Variants in ZNF420 observed in about 807,000 individuals in gnomAD.
The protein encoded by ZNF420 is zinc finger protein 420.
In ZNF420, 31 loss-of-function variants were observed where a neutral mutation model predicts 44.7. The ratio of observed to expected loss-of-function variants is 0.69; its 90% CI spans 0.52 to 0.94. The LOEUF is 0.94. Among genes scored for constraint, ZNF420 ranks in the 40% least tolerant of loss-of-function variants. The probability of loss-of-function intolerance (pLI) is 0.00; values close to 1 mark genes in which losing one functional copy is unlikely to be tolerated. For missense variants in ZNF420, 681 were observed against 827.9 expected (o/e 0.82, Z 2.18); for synonymous variants, 245 against 267.4 (o/e 0.92, Z 0.82).
At chr19:37,097,746 A>G (rs997448597) in intron 4 of ZNF420, among the ~76,000 whole-genome samples, 1 of 152,202 alleles carries the variant, frequency 6.6e-6, no homozygotes, top group Non-Finnish European at 1.5e-5. Flanking sequence ...TTTGTGGGAT[A>G]AAGTTTATAT....
At chr19:37,026,398 G>T (rs1166131456) in intron 1 of ZNF420, among the ~76,000 whole-genome samples, 1 of 150,134 alleles carries the variant, frequency 6.7e-6, no homozygotes, top group East Asian at 2.0e-4. Flanking sequence ...TGGGCTCACT[G>T]CACCTCCGCC....
In ZNF420 at chr19:37,130,167, G is replaced by A. The variant is rs1971587378; in HGVS notation, c.*1109G>A. 6.5e-7 allele frequency: 1 copy of A among 1,550,326 alleles called. No homozygotes were observed. Among genetic ancestry groups the A allele is most frequent in the Non-Finnish European group, 8.7e-7 (1 of 1,146,904 alleles). On this transcript the variant is annotated 3_prime_UTR_variant, in exon 5 of 5. Coordinates refer to ENST00000337995, the MANE Select transcript of ZNF420 (RefSeq NM_144689.5). ...AGCTGGAGCTCCGTTACTCTCATGG[G>A]GACTTTGAGAATGGTATCTGGGTGT...
At chr19:37,042,400 A>T (rs531218505) in intron 1 of ZNF420, among the ~76,000 whole-genome samples, 5 of 152,254 alleles carry the variant, frequency 3.3e-5, no homozygotes, top group African/African-American at 4.8e-5. Context: ...TTCATCACAA[A>T]TGAGAACTTG....
At chr19:37,104,726 C>G (rs1408078718) in intron 4 of ZNF420, among the ~76,000 whole-genome samples, 1 of 152,186 alleles carries the variant, frequency 6.6e-6, no homozygotes, top group Non-Finnish European at 1.5e-5. Flanking sequence ...TTGCATTTCT[C>G]TGATGGCCAG....
At chr19:37,073,654 C>T (rs1307747870), upstream of ZNF420, among the ~76,000 whole-genome samples, 2 of 150,864 alleles carry the variant, frequency 1.3e-5, no homozygotes, top group South Asian at 2.1e-4. Context: ...GACAGGAGAA[C>T]TGCCTGACCC....
chr19:37,012,304 C>A (rs1474113619), intron 1 of ZNF420, among the ~76,000 whole-genome samples: 1 of 152,232 alleles, frequency 6.6e-6, no homozygotes, highest in Non-Finnish European at 1.5e-5. Context: ...CTTCCAGGAG[C>A]GGAGCGCGAG....
intron 4 of ZNF420, among the ~76,000 whole-genome samples, chr19:37,099,839 G>A (rs184842673): frequency 1.9e-4 from 29 of 152,218 alleles, no homozygotes; most frequent in Middle Eastern, 3.4e-3. Context: ...TAGCCAGGAT[G>A]GTCTCAGTCT....
At chr19:37,115,519 A>C (rs76823888) in intron 4 of ZNF420, among the ~76,000 whole-genome samples, 1,992 of 152,070 alleles carry the variant, frequency 0.013, 47 homozygotes, top group African/African-American at 0.045. Flanking sequence ...GCCTTGATGT[A>C]CATGTATACA....
At chr19:37,073,171 C>T (rs955082700) in intron 1 of ZNF420, among the ~76,000 whole-genome samples, 3 of 152,096 alleles carry the variant, frequency 2.0e-5, no homozygotes, top group African/African-American at 7.2e-5. Flanking sequence ...TACACCACTG[C>T]ACTCCAGCCT....
At chr19:37,029,425 A>G (rs1967211810) in intron 1 of ZNF420, among the ~76,000 whole-genome samples, 1 of 152,254 alleles carries the variant, frequency 6.6e-6, no homozygotes, top group African/African-American at 2.4e-5. Context: ...TTCAATAGGT[A>G]TAAAAATGTT....
intron 1 of ZNF420, among the ~76,000 whole-genome samples, chr19:37,037,020 T>C (rs1162259840): frequency 6.6e-6 from 1 of 152,172 alleles, no homozygotes; most frequent in East Asian, 1.9e-4. Context: ...CCTTTCATCG[T>C]AGGTAGCCCT....
At chr19:37,061,215 C>T (rs950904228) in intron 1 of ZNF420, among the ~76,000 whole-genome samples, 3 of 152,220 alleles carry the variant, frequency 2.0e-5, no homozygotes, top group Admixed American at 2.0e-4. Flanking sequence ...GTCACACTGG[C>T]TCTACTTTGG....
intron 3 of ZNF420, among the ~76,000 whole-genome samples, chr19:37,089,991 A>C (rs557413662): frequency 5.9e-5 from 9 of 152,278 alleles, no homozygotes; most frequent in African/African-American, 2.2e-4. Context: ...AAATTCTTTA[A>C]TTTTATACAA....
chr19:37,012,520 G>C (rs2074577752), intron 1 of ZNF420, among the ~76,000 whole-genome samples: 1 of 152,196 alleles, frequency 6.6e-6, no homozygotes, highest in South Asian at 2.1e-4. Flanking sequence ...GTGGAGGTCC[G>C]ACCAGGATGA....
chr19:37,015,417 T>A (rs976247263), intron 1 of ZNF420, among the ~76,000 whole-genome samples: 4 of 152,116 alleles, frequency 2.6e-5, no homozygotes, highest in Admixed American at 6.5e-5. Context: ...AGACGCCTCC[T>A]AGGGGCCCAT....
intron 4 of ZNF420, among the ~76,000 whole-genome samples, chr19:37,115,656 C>T (rs1970633829): frequency 1.3e-5 from 2 of 151,652 alleles, no homozygotes; most frequent in Admixed American, 1.3e-4. Context: ...TTCTATTGCC[C>T]AGGGACAAGC....
chr19:37,102,534 T>C (rs2146606578), intron 4 of ZNF420, among the ~76,000 whole-genome samples: 1 of 152,320 alleles, frequency 6.6e-6, no homozygotes, highest in South Asian at 2.1e-4. Flanking sequence ...CAAATGGGGC[T>C]GTAGCCAAGC....
intron 4 of ZNF420, 133 bp downstream of exon 4, chr19:37,091,254 G>A (rs1969126616): frequency 2.1e-6 from 2 of 947,010 alleles, no homozygotes; most frequent in East Asian, 5.9e-5. Context: ...TGAAATTACT[G>A]GAAGTAGACA....
Position 37,114,064 on chromosome 19 carries a change from G to C in ZNF420, c.137-13064G>C, listed in dbSNP as rs545536062. On this transcript the variant is annotated intron_variant, in intron 4 of 4. Coordinates refer to ENST00000337995, the MANE Select transcript of ZNF420 (RefSeq NM_144689.5). ...GGAAAAGGACTCATATCTGGCCTCAGCTAGGGGAGGCGCTCCCTCTTGGGC... is the reference window on the plus strand; with the variant it reads ...GGAAAAGGACTCATATCTGGCCTCACCTAGGGGAGGCGCTCCCTCTTGGGC... Among the ~76,000 whole-genome samples the C allele has an allele frequency of 2.2e-4, 33 of 152,260 alleles. 1 individual carries two copies. The highest frequency in any genetic ancestry group is 2.0e-3 in the Admixed American group (31 of 15,298).
Sources: gnomAD v4.1 joint callset for allele counts (sites outside exome capture counted in the v4.1 genomes callset) on GRCh38, gnomAD v4.1.1 for gene constraint, MANE v1.5 for transcripts, NCBI Gene and HGNC (gene_info 2026-07-23, HGNC 2026-07-21) for gene names.